RBMS3: variants seen among roughly 807,000 people sequenced by gnomAD.
RBMS3 encodes RNA binding motif single stranded interacting protein 3.
Under a neutral mutation model 66.8 loss-of-function variants are expected in RBMS3, and 27 were observed. That is an observed-to-expected ratio of 0.40 (90% CI 0.30 to 0.56). The LOEUF is 0.56. Among genes scored for constraint, RBMS3 ranks in the 20% least tolerant of loss-of-function variants. The pLI is 0.40. For missense variants in RBMS3, 513 were observed against 549.5 expected (o/e 0.93, Z 0.66); for synonymous variants, 188 against 183.0 (o/e 1.03, Z -0.22).
intron 7 of RBMS3, chr3:29,880,867 C>G: frequency 6.7e-7 from 1 of 1,492,906 alleles, no homozygotes; most frequent in Non-Finnish European, 9.0e-7. Context: ...GAAAATCTCA[C>G]CTTAGATTCT....
At chr3:29,589,041 C>T (rs182664117) in intron 4 of RBMS3, among the ~76,000 whole-genome samples, 17 of 152,182 alleles carry the variant, frequency 1.1e-4, no homozygotes, top group Middle Eastern at 3.4e-3. Context: ...TGCATAATCT[C>T]CACCATTTCA....
intron 7 of RBMS3, among the ~76,000 whole-genome samples, chr3:29,875,988 C>G (rs957622786): frequency 1.3e-5 from 2 of 152,130 alleles, no homozygotes; most frequent in African/African-American, 4.8e-5. Context: ...CTTTGATGTT[C>G]TTTTCTCAAA....
At chr3:29,582,172 A>AGATAGAT (rs1553625627) in intron 3 of RBMS3, among the ~76,000 whole-genome samples, 5 of 149,998 alleles carry the variant, frequency 3.3e-5, no homozygotes, top group Admixed American at 7.3e-5. Flanking sequence ...ATAGATAGAT[A>AGATAGAT]GATAGATAGA....
chr3:29,698,112 G>GCC (rs1247575943), intron 4 of RBMS3: 12 of 751,574 alleles, frequency 1.6e-5, no homozygotes, highest in Non-Finnish European at 1.9e-5. Flanking sequence ...TGAGCTCCCT[G>GCC]AAGGGACAGG....
chr3:29,869,566 G>C (rs2059440797), intron 7 of RBMS3, among the ~76,000 whole-genome samples: 1 of 152,116 alleles, frequency 6.6e-6, no homozygotes, highest in African/African-American at 2.4e-5. Flanking sequence ...TTCACAAGGA[G>C]AAGGAAAAGC....
At chr3:29,653,029 A>G (rs965144361) in intron 4 of RBMS3, among the ~76,000 whole-genome samples, 1 of 152,194 alleles carries the variant, frequency 6.6e-6, no homozygotes, top group Non-Finnish European at 1.5e-5. Flanking sequence ...CTGATTAAGA[A>G]GAATTAACTG....
chr3:29,851,856 AG>A (rs2058942789), intron 6 of RBMS3, among the ~76,000 whole-genome samples: 1 of 152,238 alleles, frequency 6.6e-6, no homozygotes, highest in South Asian at 2.1e-4. Flanking sequence ...TAACTAAAAA[AG>A]AACACGAATA....
chr3:29,475,492 C>T (rs996171326), intron 2 of RBMS3, among the ~76,000 whole-genome samples: 6 of 152,064 alleles, frequency 3.9e-5, no homozygotes, highest in African/African-American at 7.2e-5. Context: ...TCAGGCAATC[C>T]GTCCAGCTCA....
chr3:29,338,521 A>AT (rs1160478109), intron 1 of RBMS3, among the ~76,000 whole-genome samples: 2 of 152,148 alleles, frequency 1.3e-5, no homozygotes, highest in African/African-American at 2.4e-5. Context: ...AAATTCTCAG[A>AT]TTTCTGCTCA....
At chr3:29,809,375 T>G (rs2057659000) in intron 6 of RBMS3, among the ~76,000 whole-genome samples, 2 of 151,718 alleles carry the variant, frequency 1.3e-5, no homozygotes. Context: ...TACCTAAGTC[T>G]TACTTTTGTT....
At chr3:29,964,309 G>T (rs1198220947) in intron 12 of RBMS3, among the ~76,000 whole-genome samples, 1 of 128,402 alleles carries the variant, frequency 7.8e-6, no homozygotes, top group Non-Finnish European at 1.9e-5. Context: ...TAAATGAATG[G>T]TATGTAGAGG....
At chr3:29,672,799 T>A (rs529280371) in intron 4 of RBMS3, among the ~76,000 whole-genome samples, 14 of 152,138 alleles carry the variant, frequency 9.2e-5, no homozygotes, top group Non-Finnish European at 1.9e-4. Context: ...CTTAGAGACA[T>A]ACAAAGAGGC....
At position 29,297,078 on chromosome 3, in the gene RBMS3, C is replaced by T. The variant is rs531053916; in HGVS notation, c.75+15322C>T. Among the ~76,000 whole-genome samples, 3 of 151,784 alleles carry T rather than the reference C, an allele frequency of 2.0e-5. No individual in the cohort carries two copies. The South Asian group carries it at 6.2e-4, about 31-fold the overall frequency. The stretch of plus-strand genomic sequence containing the variant: ...AAAACAGTGTGGTTAGGTGAAAGGA[C>T]TCTGAGTGTGCTAGTAGAGTAATAG... On this transcript the variant is annotated intron_variant, in intron 1 of 14. Coordinates refer to ENST00000383767, the MANE Select transcript of RBMS3 (RefSeq NM_001003793.3).
intron 2 of RBMS3, among the ~76,000 whole-genome samples, chr3:29,482,255 A>G (rs1171529885): frequency 2.0e-5 from 3 of 152,248 alleles, no homozygotes; most frequent in Non-Finnish European, 4.4e-5. Flanking sequence ...CAAATTACAT[A>G]ACCCAACTAT....
chr3:29,532,246 G>GTATATATA (rs1166106438), intron 3 of RBMS3, among the ~76,000 whole-genome samples: 1,116 of 88,740 alleles, frequency 0.013, 14 homozygotes, highest in East Asian at 0.038. Context: ...GCATATATAT[G>GTATATATA]TATATATATA....
chr3:29,811,221 G>A (rs1317374604), intron 6 of RBMS3, among the ~76,000 whole-genome samples: 3 of 151,982 alleles, frequency 2.0e-5, no homozygotes, highest in African/African-American at 7.3e-5. Context: ...CTCTCCTTGG[G>A]GCTCTCTAGT....
chr3:29,582,961 A>G (rs1015078785), intron 3 of RBMS3, among the ~76,000 whole-genome samples: 4 of 152,122 alleles, frequency 2.6e-5, no homozygotes, highest in African/African-American at 9.7e-5. Context: ...AAAACACATA[A>G]TTTGGTGAGA....
At position 29,507,012 on chromosome 3, in the gene RBMS3, TA is replaced by T. The variant is rs3043394; in HGVS notation, c.307+18525del. On this transcript the variant is annotated intron_variant, in intron 3 of 14. Transcript: ENST00000383767. ...TAAAGGTTTGTCAATTTTGTTTGTT[TA>T]AAAAAAAAAAACTCTTGGTTTTGTT... Among the ~76,000 whole-genome samples the T allele has an allele frequency of 2.3e-3, 335 of 144,734 alleles. 2 individuals carry two copies. Among genetic ancestry groups the T allele is most frequent in the South Asian group, 0.01 (48 of 4,590 alleles). The allele number at this position is 144,734 out of a possible 152,430, so 95.0% of individuals were successfully genotyped here.
chr3:29,771,087 T>C (rs73831017), intron 6 of RBMS3, among the ~76,000 whole-genome samples: 2 of 152,034 alleles, frequency 1.3e-5, no homozygotes, highest in African/African-American at 4.8e-5. Context: ...GAAATGTGAA[T>C]GAAAACAGTA....
Sources: allele counts gnomAD v4.1 joint callset (sites outside exome capture counted in the v4.1 genomes callset), GRCh38; gene constraint gnomAD v4.1.1; transcripts MANE v1.5; gene names NCBI Gene and HGNC (gene_info 2026-07-23, HGNC 2026-07-21).